Variants in GRB2 observed in about 807,000 individuals in gnomAD.
The protein encoded by GRB2 is growth factor receptor-bound protein 2.
GRB2 carries 2 observed loss-of-function variants against 27.4 expected under a neutral mutation model. The observed-to-expected ratio is 0.07, with a 90% confidence interval of 0.03 to 0.23. The LOEUF (loss-of-function observed/expected upper bound fraction) is 0.23. Ranked by LOEUF, GRB2 falls within the 10% of genes least tolerant of loss-of-function variation. The pLI is 1.00. For synonymous variants in GRB2, 94 were observed against 99.6 expected (o/e 0.94, Z 0.33); for missense variants, 102 against 282.4 (o/e 0.36, Z 4.58).
Position 75,381,390 on chromosome 17 carries a change from T to C in GRB2, c.78+12161A>G, listed in dbSNP as rs1001218521. Among the ~76,000 whole-genome samples, 74 of 152,180 alleles carry C rather than the reference T, an allele frequency of 4.9e-4. 1 individual carries two copies. The highest frequency in any genetic ancestry group is 1.7e-3 in the African/African-American group (72 of 41,514). On this transcript the variant is annotated intron_variant, in intron 2 of 5. Coordinates refer to ENST00000316804, the MANE Select transcript of GRB2 (RefSeq NM_002086.5). ...TGCTAATAAAATAATCTATTCTTTT[T>C]CCCCAGCATTCCTTTTCAAACTCCT...
At chr17:75,374,162 T>G (rs2078875501) in intron 2 of GRB2, among the ~76,000 whole-genome samples, 1 of 151,764 alleles carries the variant, frequency 6.6e-6, no homozygotes, top group South Asian at 2.1e-4. Context: ...TCCTAGCACT[T>G]TGGGAGGCCG....
chr17:75,337,897 A>ACTACTG (rs1424262539), intron 2 of GRB2, among the ~76,000 whole-genome samples: 2 of 127,590 alleles, frequency 1.6e-5, no homozygotes, highest in Non-Finnish European at 3.2e-5. Context: ...TACTACTACT[A>ACTACTG]CTACTATTAT....
At chr17:75,356,400 T>TG (rs1305423826) in intron 2 of GRB2, among the ~76,000 whole-genome samples, 2 of 151,946 alleles carry the variant, frequency 1.3e-5, no homozygotes, top group African/African-American at 2.4e-5. Context: ...CCCAGCTACT[T>TG]GGGAGGCTGA....
chr17:75,327,508 T>C (rs2078507120), intron 3 of GRB2, among the ~76,000 whole-genome samples: 1 of 151,916 alleles, frequency 6.6e-6, no homozygotes, highest in Non-Finnish European at 1.5e-5. Context: ...GTAGCTGGGA[T>C]TACAGGCGGC....
chr17:75,362,547 C>A (rs183485794), intron 2 of GRB2, among the ~76,000 whole-genome samples: 1 of 152,182 alleles, frequency 6.6e-6, no homozygotes, highest in African/African-American at 2.4e-5. Flanking sequence ...GCAATAGATA[C>A]AAGGGCTTAA....
chr17:75,335,771 T>C (rs1028080448), intron 2 of GRB2, among the ~76,000 whole-genome samples: 1 of 152,184 alleles, frequency 6.6e-6, no homozygotes, highest in African/African-American at 2.4e-5. Flanking sequence ...CACATAAATA[T>C]TGATAGAGTA....
At chr17:75,349,671 C>T (rs186344287) in intron 2 of GRB2, among the ~76,000 whole-genome samples, 24 of 152,172 alleles carry the variant, frequency 1.6e-4, no homozygotes, top group South Asian at 2.1e-4. Context: ...AGGCGCCCAC[C>T]ACCACGCCTG....
At chr17:75,372,990 C>T (rs1174465388) in intron 2 of GRB2, 4 of 152,230 alleles carry the variant, frequency 2.6e-5, no homozygotes, top group Non-Finnish European at 4.4e-5. Flanking sequence ...CCCGTAATCC[C>T]AGCACTTTGG....
chr17:75,348,351 T>C (rs1294591787), intron 2 of GRB2, among the ~76,000 whole-genome samples: 2 of 152,114 alleles, frequency 1.3e-5, no homozygotes, highest in Non-Finnish European at 2.9e-5. Context: ...AGCCCTATTC[T>C]GTTTACTATT....
Position 75,318,627 on chromosome 17 carries a change from C to T in GRB2, c.*1741G>A, listed in dbSNP as rs2078433164. 1 of 152,308 alleles carries T rather than the reference C, an allele frequency of 6.6e-6. No individual in the cohort carries two copies. The highest frequency in any genetic ancestry group is 2.4e-5 in the African/African-American group (1 of 41,422). 9.4% of individuals were successfully genotyped at this position (152,308 alleles called of 1,614,324 possible). On this transcript the variant is annotated 3_prime_UTR_variant, in exon 6 of 6. Transcript: ENST00000316804. ...GCCTTGGTCTTCCTGTCTTTCCAAT[C>T]TTGCCTTCCCCAACTCTCCCTGCTT... is the stretch of plus-strand genomic sequence containing the variant.
intron 4 of GRB2, among the ~76,000 whole-genome samples, chr17:75,325,522 T>A (rs759788414): frequency 4.6e-4 from 70 of 152,132 alleles, no homozygotes; most frequent in Non-Finnish European, 9.3e-4. Flanking sequence ...GCTGGTTGAT[T>A]TAAGTCAGTG....
chr17:75,395,122 C>T (rs2079021818), intron 1 of GRB2, among the ~76,000 whole-genome samples: 1 of 152,120 alleles, frequency 6.6e-6, no homozygotes, highest in Non-Finnish European at 1.5e-5. Flanking sequence ...CTAAAGTTGA[C>T]AATTGGGGCA....
intron 2 of GRB2, chr17:75,371,214 TG>T (rs2078854403): frequency 6.6e-6 from 1 of 151,916 alleles, no homozygotes. Flanking sequence ...CACAGTAAAG[TG>T]TAATTATACT....
At position 75,393,732 on chromosome 17, in the gene GRB2, C is replaced by A; in HGVS notation, c.-104G>T. On this transcript the variant is annotated 5_prime_UTR_variant, in exon 2 of 6. Coordinates refer to ENST00000316804, the MANE Select transcript of GRB2 (RefSeq NM_002086.5). ...GCTTAGCCTCGCCTCTCTTCTGGGA[C>A]TCGCTCCGGCACTCTGGGACACACA... The A allele has an allele frequency of 4.8e-6, 4 of 826,242 alleles. No individual in the cohort carries two copies. The highest frequency in any genetic ancestry group is 8.2e-6 in the Non-Finnish European group (4 of 488,220). 51.2% of individuals were successfully genotyped at this position (826,242 alleles called of 1,614,324 possible).
intron 3 of GRB2, among the ~76,000 whole-genome samples, chr17:75,327,231 A>G (rs531529078): frequency 9.2e-5 from 14 of 151,472 alleles, no homozygotes; most frequent in Admixed American, 7.2e-4. Flanking sequence ...GGCGCCCGCC[A>G]CCATGCCCGG....
In GRB2 at chr17:75,324,536, G is replaced by GTT. The variant is rs1491497185; in HGVS notation, c.299+1361_299+1362insAA. On this transcript the variant is annotated intron_variant, in intron 4 of 5. Coordinates refer to ENST00000316804, the MANE Select transcript of GRB2 (RefSeq NM_002086.5). ...TTTTTTTTTTTTTTTTTTTTTTTTT[G>GTT]GAGACAGAGTTTTGCTCTTCGCCCA... Among the ~76,000 whole-genome samples the GTT allele has an allele frequency of 4.0e-3, 73 of 18,426 alleles. 1 individual carries two copies. The highest frequency in any genetic ancestry group is 0.014 in the African/African-American group (73 of 5,102). 12.1% of individuals were successfully genotyped at this position (18,426 alleles called of 152,430 possible). A position where few individuals can be genotyped will look rare whatever the true frequency, so the allele number is the denominator to read the frequency against.
intron 3 of GRB2, among the ~76,000 whole-genome samples, chr17:75,332,378 T>G (rs1240402502): frequency 6.6e-6 from 1 of 152,094 alleles, no homozygotes; most frequent in Non-Finnish European, 1.5e-5. Flanking sequence ...AAGTACCTTT[T>G]CTAAAACTCA....
At position 75,318,898 on chromosome 17, in the gene GRB2, C is replaced by G. The variant is rs2078435366; in HGVS notation, c.*1470G>C. 6.6e-6 allele frequency: 1 copy of G among 152,304 alleles called. No individual in the cohort carries two copies. The highest frequency in any genetic ancestry group is 1.5e-5 in the Non-Finnish European group (1 of 68,148). 9.4% of individuals were successfully genotyped at this position (152,304 alleles called of 1,614,324 possible). The stretch of plus-strand genomic sequence containing the variant: ...GGAGGCTGCGTTCCCATGACTTCCT[C>G]CTCCGCTCTCCTTGTCTGGGACTTG... On this transcript the variant is annotated 3_prime_UTR_variant, in exon 6 of 6. Coordinates refer to ENST00000316804, the MANE Select transcript of GRB2 (RefSeq NM_002086.5).
chr17:75,358,260 T>C (rs1410284141), intron 2 of GRB2, among the ~76,000 whole-genome samples: 1 of 152,224 alleles, frequency 6.6e-6, no homozygotes, highest in Non-Finnish European at 1.5e-5. Context: ...CAAGCCCTGT[T>C]AAAATTATTC....
Sources: allele counts gnomAD v4.1 joint callset (sites outside exome capture counted in the v4.1 genomes callset), GRCh38; gene constraint gnomAD v4.1.1; transcripts MANE v1.5; gene names NCBI Gene and HGNC (gene_info 2026-07-23, HGNC 2026-07-21).